CNBD2: variants seen among roughly 807,000 people sequenced by gnomAD.
CNBD2 encodes cyclic nucleotide binding domain containing 2, also known as cyclic nucleotide-binding domain-containing protein 2.
A neutral mutation model predicts 63.7 loss-of-function variants in CNBD2; 64 were observed. The ratio of observed to expected loss-of-function variants is 1.00; its 90% CI spans 0.82 to 1.24. The LOEUF is 1.24. Among genes scored for constraint, CNBD2 ranks in the 50% most tolerant of loss-of-function variants. The probability of loss-of-function intolerance (pLI) is 0.00; values close to 1 mark genes in which losing one functional copy is unlikely to be tolerated. For missense variants in CNBD2, 691 were observed against 713.5 expected (o/e 0.97, Z 0.36); for synonymous variants, 229 against 255.4 (o/e 0.90, Z 0.99).
chr20:36,029,404 C>T (rs1230706840), intron 11 of CNBD2, among the ~76,000 whole-genome samples: 1 of 152,150 alleles, frequency 6.6e-6, no homozygotes, highest in Non-Finnish European at 1.5e-5. Context: ...GTGAGGACTA[C>T]CCAGTAGTGT....
intron 11 of CNBD2, among the ~76,000 whole-genome samples, chr20:36,028,292 C>G (rs1178322476): frequency 6.6e-6 from 1 of 152,088 alleles, no homozygotes; most frequent in African/African-American, 2.4e-5. Flanking sequence ...CCTGCTCAGT[C>G]AGCATTTGCG....
chr20:35,984,536 G>C (rs2056640315), intron 5 of CNBD2, 91 bp from the exon 6 acceptor site: 1 of 1,373,776 alleles, frequency 7.3e-7, no homozygotes, highest in Non-Finnish European at 1.0e-6. Flanking sequence ...GAGAATTCAG[G>C]GGGAAGATGG....
rs560990937 is a variant in CNBD2 at position 36,029,484 on chromosome 20, T to C, written c.1440-873T>C. Among the ~76,000 whole-genome samples the C allele has an allele frequency of 3.9e-5, 6 of 152,318 alleles. No individual in the cohort carries two copies. The South Asian group carries it at 1.2e-3, about 32-fold the overall frequency. On this transcript the variant is annotated intron_variant, in intron 11 of 11. Coordinates refer to ENST00000373973, the MANE Select transcript of CNBD2 (RefSeq NM_001365709.1). ...GACCCTGGCTTGCAGTGTTTGCTGA[T>C]TTCCATAGTGTAAATACTCCCACCA...
chr20:36,030,284 G>A, intron 11 of CNBD2, 73 bp from the exon 12 acceptor site: 2 of 1,413,494 alleles, frequency 1.4e-6, no homozygotes, highest in Middle Eastern at 1.9e-4. Flanking sequence ...CTTAGGGAGG[G>A]GAGAGTGGCA....
intron 7 of CNBD2, among the ~76,000 whole-genome samples, chr20:35,992,795 T>TA (rs1484259132): frequency 9.2e-6 from 1 of 109,114 alleles, no homozygotes; most frequent in African/African-American, 3.6e-5. Context: ...CAGCCCCCTC[T>TA]AAAGGACTGC....
chr20:35,987,360 T>C (rs377712007), intron 6 of CNBD2, 35 bp from the exon 7 acceptor site: 4 of 1,612,572 alleles, frequency 2.5e-6, no homozygotes, highest in African/African-American at 1.3e-5. Flanking sequence ...CCTTGTGTGA[T>C]GGAGTTGATG....
intron 8 of CNBD2, among the ~76,000 whole-genome samples, chr20:36,001,232 C>T (rs1458871555): frequency 7.8e-4 from 119 of 152,086 alleles, no homozygotes; most frequent in African/African-American, 2.7e-3. Context: ...CATCATGGCC[C>T]GTTCTCAATG....
intron 4 of CNBD2, among the ~76,000 whole-genome samples, chr20:35,981,304 C>T (rs1857820454): frequency 6.6e-6 from 1 of 152,168 alleles, no homozygotes; most frequent in South Asian, 2.1e-4. Flanking sequence ...CTGGCTCTAG[C>T]TCTAGTCATC....
At chr20:35,970,200 T>G (rs2056393122) in intron 1 of CNBD2, among the ~76,000 whole-genome samples, 1 of 152,218 alleles carries the variant, frequency 6.6e-6, no homozygotes, top group South Asian at 2.1e-4. Context: ...AACTTTCCCT[T>G]TGAATTACCT....
At position 35,984,192 on chromosome 20, in the gene CNBD2, G is replaced by A. The variant is rs1183707284; in HGVS notation, c.564+54G>A. 2.6e-6 allele frequency: 4 copies of A among 1,543,772 alleles called. No homozygotes were observed. The African/African-American group carries it at 5.5e-5, about 21-fold the overall frequency. ...TGGGGTGGAGTGGGTGGAGGTGACA[G>A]GACTTCTGCTAGAACCTCTCAGCCA... On this transcript the variant is annotated intron_variant, in intron 5 of 11. Coordinates refer to ENST00000373973, the MANE Select transcript of CNBD2 (RefSeq NM_001365709.1).
In CNBD2 at chr20:36,023,599, G is replaced by A. The variant is rs778794375; in HGVS notation, c.1270-3G>A. 1.2e-5 allele frequency: 19 copies of A among 1,583,546 alleles called. No homozygotes were observed. Among genetic ancestry groups the A allele is most frequent in the East Asian group, 2.3e-5 (1 of 43,300 alleles). Reference sequence around the variant, plus strand: ...GGTCTAACTTTCTGTGACTTCTCCCGAGGGTCTTCACCAGGCCTTCCTTCC... The same window carrying A: ...GGTCTAACTTTCTGTGACTTCTCCCAAGGGTCTTCACCAGGCCTTCCTTCC... On this transcript the variant is annotated splice_polypyrimidine_tract_variant and splice_region_variant and intron_variant, in intron 10 of 11. Coordinates refer to ENST00000373973, the MANE Select transcript of CNBD2 (RefSeq NM_001365709.1).
At chr20:36,019,382 G>T (rs1265907417) in intron 10 of CNBD2, among the ~76,000 whole-genome samples, 1 of 151,938 alleles carries the variant, frequency 6.6e-6, no homozygotes, top group Non-Finnish European at 1.5e-5. Flanking sequence ...AATTAGCCGG[G>T]TGTGGTGGTG....
intron 8 of CNBD2, among the ~76,000 whole-genome samples, chr20:36,000,716 G>C (rs1482034243): frequency 2.0e-5 from 3 of 146,854 alleles, no homozygotes; most frequent in Admixed American, 6.7e-5. Context: ...CCACCACCAC[G>C]CCTGGCTAAT....
chr20:35,954,596 C>T (rs1600995214), upstream of CNBD2: 2 of 1,403,730 alleles, frequency 1.4e-6, no homozygotes, highest in Non-Finnish European at 9.5e-7. Flanking sequence ...CGGCTGCTGC[C>T]CTCGCGGTGC....
At chr20:36,009,744 A>C (rs555364496) in intron 9 of CNBD2, among the ~76,000 whole-genome samples, 122 of 152,052 alleles carry the variant, frequency 8.0e-4, no homozygotes, top group Non-Finnish European at 1.5e-3. Context: ...AGGCACAAGA[A>C]TCGCTTGAAC....
intron 10 of CNBD2, among the ~76,000 whole-genome samples, chr20:36,021,519 CA>C (rs1324151548): frequency 6.6e-6 from 1 of 152,222 alleles, no homozygotes; most frequent in African/African-American, 2.4e-5. Context: ...ACTTCAACAA[CA>C]GCAACTTGGA....
chr20:35,994,090 A>G (rs1301537618), intron 7 of CNBD2, among the ~76,000 whole-genome samples: 1 of 146,948 alleles, frequency 6.8e-6, no homozygotes, highest in Non-Finnish European at 1.5e-5. Flanking sequence ...TTTGAGCCAG[A>G]GTTTTGCTCT....
chr20:35,963,466 C>T (rs1237602201), intron 2 of CNBD2, among the ~76,000 whole-genome samples: 1 of 151,760 alleles, frequency 6.6e-6, no homozygotes, highest in African/African-American at 2.4e-5. Context: ...CATGGTGAAA[C>T]CCTGTCTTTA....
intron 1 of CNBD2, among the ~76,000 whole-genome samples, chr20:35,971,048 C>G (rs998309914): frequency 2.0e-5 from 3 of 146,738 alleles, no homozygotes; most frequent in Admixed American, 1.4e-4. Context: ...CCCGGGTTCA[C>G]GCCATTCTCC....
Sources: gnomAD v4.1 joint callset for allele counts (sites outside exome capture counted in the v4.1 genomes callset) on GRCh38, gnomAD v4.1.1 for gene constraint, MANE v1.5 for transcripts, NCBI Gene and HGNC (gene_info 2026-07-23, HGNC 2026-07-21) for gene names.